RIC3: variants seen among roughly 807,000 people sequenced by gnomAD.
The protein encoded by RIC3 is RIC3 acetylcholine receptor chaperone.
In RIC3, 28 loss-of-function variants were observed where a neutral mutation model predicts 27.3. That is an observed-to-expected ratio of 1.02 (90% CI 0.76 to 1.41). The LOEUF (loss-of-function observed/expected upper bound fraction) is 1.41. Ranked by LOEUF, RIC3 falls within the 40% of genes most tolerant of loss-of-function variation. The pLI is 0.00. For missense variants in RIC3, 501 were observed against 444.7 expected, an observed-to-expected ratio of 1.13 and a Z score of -1.14; for synonymous variants, 184 against 160.4, an observed-to-expected ratio of 1.15 and a Z score of -1.11.
At chr11:8,121,643 G>C (rs904584513) in intron 5 of RIC3, among the ~76,000 whole-genome samples, 2 of 152,058 alleles carry the variant, frequency 1.3e-5, no homozygotes, top group African/African-American at 4.8e-5. Flanking sequence ...TTGAACCCAG[G>C]AGGCAGAGGT....
chr11:8,109,559 C>A lies in RIC3; in HGVS notation c.*1139G>T, dbSNP rs1487865134. Reference sequence around the variant, plus strand: ...CCGAGTATGGAACACATGGTCTCTACCCCTGGGCACTGCTATATTGGTTCT... The same window carrying A: ...CCGAGTATGGAACACATGGTCTCTAACCCTGGGCACTGCTATATTGGTTCT... On this transcript the variant is annotated 3_prime_UTR_variant, in exon 6 of 6. Transcript: ENST00000309737. 1.3e-5 allele frequency: 2 copies of A among 152,122 alleles called. No homozygotes were observed. The highest frequency in any genetic ancestry group is 2.9e-5 in the Non-Finnish European group (2 of 68,026). 9.4% of individuals were successfully genotyped at this position (152,122 alleles called of 1,614,324 possible). A position where few individuals can be genotyped will look rare whatever the true frequency, so the allele number is the denominator to read the frequency against.
chr11:8,131,080 C>A (rs552465290), intron 4 of RIC3, among the ~76,000 whole-genome samples: 2 of 151,408 alleles, frequency 1.3e-5, no homozygotes, highest in Non-Finnish European at 2.9e-5. Flanking sequence ...ATAGTTATGA[C>A]CTGTATCAAA....
chr11:8,162,224 C>A (rs1029371549), intron 1 of RIC3, among the ~76,000 whole-genome samples: 1 of 152,238 alleles, frequency 6.6e-6, no homozygotes, highest in African/African-American at 2.4e-5. Context: ...TCAAACCATA[C>A]TGCAAGACAT....
the RIC3 span, chr11:8,098,715 G>A: frequency 1.4e-6 from 2 of 1,440,742 alleles, no homozygotes; most frequent in South Asian, 1.2e-5. Flanking sequence ...CTGCTCTGGG[G>A]CAGAGGGTGC....
chr11:8,130,296 C>T (rs1947536063), intron 4 of RIC3, among the ~76,000 whole-genome samples: 1 of 152,176 alleles, frequency 6.6e-6, no homozygotes, highest in Admixed American at 6.5e-5. Context: ...TACTTTTGGA[C>T]CTTGAACACA....
intron 1 of RIC3, among the ~76,000 whole-genome samples, chr11:8,157,654 A>C (rs1393383113): frequency 1.3e-5 from 2 of 152,146 alleles, no homozygotes; most frequent in Non-Finnish European, 2.9e-5. Context: ...ATCTTTGCTG[A>C]CCTGATTTGG....
intron 1 of RIC3, among the ~76,000 whole-genome samples, chr11:8,161,227 A>G (rs912882084): frequency 6.6e-6 from 1 of 152,228 alleles, no homozygotes; most frequent in Non-Finnish European, 1.5e-5. Flanking sequence ...TTTTATCTGT[A>G]GCTACCTGCT....
chr11:8,115,502 CAT>C (rs141974976), intron 5 of RIC3, among the ~76,000 whole-genome samples: 7 of 150,966 alleles, frequency 4.6e-5, no homozygotes, highest in Admixed American at 1.3e-4. Context: ...CACAAATATA[CAT>C]ATATATATAT....
chr11:8,133,144 G>A (rs984915859), intron 4 of RIC3, among the ~76,000 whole-genome samples: 3 of 152,114 alleles, frequency 2.0e-5, no homozygotes, highest in Non-Finnish European at 4.4e-5. Flanking sequence ...AAAGTGGGCT[G>A]GCCTCTGGTG....
chr11:8,161,774 GGT>G (rs1218854727), intron 1 of RIC3, among the ~76,000 whole-genome samples: 9 of 152,190 alleles, frequency 5.9e-5, no homozygotes, highest in African/African-American at 1.7e-4. Flanking sequence ...AGGAGGCTGA[GGT>G]GGGACAATGA....
the RIC3 span, chr11:8,100,434 C>T: frequency 5.8e-5 from 72 of 1,238,194 alleles, no homozygotes; most frequent in African/African-American, 1.2e-4. Context: ...TCTTTATTCC[C>T]GTCCCCCCCA....
chr11:8,139,718 G>C (rs1417225452), intron 2 of RIC3: 1 of 269,838 alleles, frequency 3.7e-6, no homozygotes, highest in East Asian at 7.7e-5. Flanking sequence ...AAAGATCCAT[G>C]TTCAAGTCCT....
chr11:8,167,640 T>TAAAAAA (rs34530108), intron 1 of RIC3, among the ~76,000 whole-genome samples: 2 of 134,140 alleles, frequency 1.5e-5, no homozygotes, highest in Non-Finnish European at 1.6e-5. Flanking sequence ...TAATGGAAAG[T>TAAAAAA]AAAAAAAAAA....
At chr11:8,130,574 C>A (rs1444628184) in intron 4 of RIC3, among the ~76,000 whole-genome samples, 2 of 152,080 alleles carry the variant, frequency 1.3e-5, no homozygotes, top group African/African-American at 2.4e-5. Flanking sequence ...GATTTTTTTT[C>A]TTCCATTAGG....
chr11:8,140,585 C>T (rs952332232), intron 1 of RIC3, among the ~76,000 whole-genome samples: 38 of 152,300 alleles, frequency 2.5e-4, no homozygotes, highest in Middle Eastern at 3.4e-3. Flanking sequence ...CTAACACCCA[C>T]GGGGACCTTG....
intron 1 of RIC3, among the ~76,000 whole-genome samples, chr11:8,163,634 A>G (rs978238777): frequency 6.6e-6 from 1 of 152,172 alleles, no homozygotes; most frequent in Non-Finnish European, 1.5e-5. Flanking sequence ...AATACTTATG[A>G]ATATATTTAA....
rs187767789 is a variant in RIC3 at position 8,127,664 on chromosome 11, C to T, written c.522-857G>A. ...AAGGTCCTACTTAGAAGACTGATAACTATCTGCTTTGAGACCAGTTTTATC... is the reference window on the plus strand; with the variant it reads ...AAGGTCCTACTTAGAAGACTGATAATTATCTGCTTTGAGACCAGTTTTATC... On this transcript the variant is annotated intron_variant, in intron 4 of 5. Coordinates refer to ENST00000309737, the MANE Select transcript of RIC3 (RefSeq NM_001206671.4). 2.0e-5 allele frequency among the ~76,000 whole-genome samples: 3 copies of T among 152,218 alleles called. No individual in the cohort carries two copies. In the East Asian group the frequency reaches 5.8e-4, roughly 29 times the overall value.
At chr11:8,167,365 G>C (rs979730127) in intron 1 of RIC3, among the ~76,000 whole-genome samples, 1 of 152,158 alleles carries the variant, frequency 6.6e-6, no homozygotes, top group Non-Finnish European at 1.5e-5. Context: ...AGTTATTTTA[G>C]TTAGTGTCAT....
intron 5 of RIC3, among the ~76,000 whole-genome samples, chr11:8,115,015 G>A (rs909315782): frequency 2.6e-5 from 4 of 152,044 alleles, no homozygotes; most frequent in Non-Finnish European, 5.9e-5. Flanking sequence ...GGACACAAAG[G>A]GATAGAAAGC....
Sources: gnomAD v4.1 joint callset for allele counts (sites outside exome capture counted in the v4.1 genomes callset) on GRCh38, gnomAD v4.1.1 for gene constraint, MANE v1.5 for transcripts, NCBI Gene and HGNC (gene_info 2026-07-23, HGNC 2026-07-21) for gene names.